Variants in SH3KBP1 observed in about 807,000 individuals in gnomAD.
SH3KBP1 encodes the protein SH3 domain-containing kinase-binding protein 1.
Under a neutral mutation model 50.1 loss-of-function variants are expected in SH3KBP1, and 8 were observed. That is an observed-to-expected ratio of 0.16 (90% CI 0.09 to 0.29). The LOEUF is 0.29. Ranked by LOEUF, SH3KBP1 falls within the 10% of genes least tolerant of loss-of-function variation. SH3KBP1 has a pLI of 1.00. For synonymous variants in SH3KBP1, 227 were observed against 218.6 expected (o/e 1.04, Z -0.34); for missense variants, 377 against 535.2 (o/e 0.70, Z 2.92).
In SH3KBP1 at chrX:19,534,841, G is replaced by A. The variant is rs2064668662; in HGVS notation, c.*1576C>T. The A allele has an allele frequency of 6.8e-6, 2 of 295,843 alleles. No individual in the cohort carries two copies. Among genetic ancestry groups the A allele is most frequent in the Middle Eastern group, 8.6e-4 (1 of 1,162 alleles). 24.4% of individuals were successfully genotyped at this position (295,843 alleles called of 1,213,427 possible). On this transcript the variant is annotated 3_prime_UTR_variant, in exon 18 of 18. Transcript: ENST00000397821. Reference sequence around the variant, plus strand: ...AGCACATAGGTTAAGAGGAAGGCAGGGGGAGGAAGGGAGGAAGAGAAAGGA... The same window carrying A: ...AGCACATAGGTTAAGAGGAAGGCAGAGGGAGGAAGGGAGGAAGAGAAAGGA...
At chrX:19,665,361 A>C (rs2062572192) in intron 6 of SH3KBP1, among the ~76,000 whole-genome samples, 1 of 112,080 alleles carries the variant, frequency 8.9e-6, no homozygotes, top group Admixed American at 9.5e-5. Flanking sequence ...TTTGATTCCT[A>C]AGAGTTCAAG....
intron 2 of SH3KBP1, among the ~76,000 whole-genome samples, chrX:19,795,726 G>T (rs1053489565): frequency 3.6e-5 from 4 of 111,587 alleles, no homozygotes; most frequent in African/African-American, 1.3e-4. Context: ...ACAAACTGAG[G>T]GGCTATCAGT....
intron 1 of SH3KBP1, among the ~76,000 whole-genome samples, chrX:19,881,483 A>G (rs1243856353): frequency 8.9e-6 from 1 of 112,204 alleles, no homozygotes; most frequent in Non-Finnish European, 1.9e-5. Context: ...TGAGGCGTCT[A>G]AGACACACCT....
At chrX:19,594,033 T>C (rs866697728) in intron 10 of SH3KBP1, among the ~76,000 whole-genome samples, 1 of 112,230 alleles carries the variant, frequency 8.9e-6, no homozygotes, top group Admixed American at 9.5e-5. Flanking sequence ...TTTTTCCTCT[T>C]AACTTGGTGG....
rs1367429125 is a variant in SH3KBP1, at chrX:19,534,011, C to T, written c.*2406G>A. ...AATTTCATTTTAATCATCTTCTTTA[C>T]AAAGCACAATACTTAAGACTTTTCT... On this transcript the variant is annotated 3_prime_UTR_variant, in exon 18 of 18. Transcript: ENST00000397821. 9.0e-6 allele frequency: 1 copy of T among 110,626 alleles called. No individual in the cohort carries two copies. Among genetic ancestry groups the T allele is most frequent in the Non-Finnish European group, 1.9e-5 (1 of 52,959 alleles). The allele number at this position is 110,626 out of a possible 1,213,427, so 9.1% of individuals were successfully genotyped here.
chrX:19,542,151 T>C lies in SH3KBP1; in HGVS notation c.1666A>G (p.Met556Val), dbSNP rs2064932134. Residue 556 changes from methionine (M) to valine (V), a missense_variant, in exon 16 of 18, where the codon ATG becomes GTG. Physicochemically the swap from Met to Val is conservative, Grantham distance 21. Transcript: ENST00000397821. ...KASLPPKPGT[M>V]AAGGGGPAPL... The stretch of plus-strand genomic sequence containing the variant: ...GCTGGCCCACCGCCACCTGCTGCCA[T>C]GGTCCCCGGCTTGGGCGGCAGGGAT... 1.7e-6 allele frequency: 2 copies of C among 1,197,315 alleles called. No homozygotes were observed. Among genetic ancestry groups the C allele is most frequent in the Admixed American group, 2.2e-5 (1 of 44,855 alleles).
At chrX:19,861,376 C>CA (rs2068773391) in intron 1 of SH3KBP1, among the ~76,000 whole-genome samples, 1 of 103,571 alleles carries the variant, frequency 9.7e-6, no homozygotes, top group African/African-American at 3.6e-5. Flanking sequence ...GACTCTGTCT[C>CA]AAAAAAATAA....
intron 1 of SH3KBP1, among the ~76,000 whole-genome samples, chrX:19,877,148 G>T (rs2069278865): frequency 8.9e-6 from 1 of 112,182 alleles, no homozygotes; most frequent in South Asian, 3.6e-4. Flanking sequence ...CTAATAGTTT[G>T]TTGAGAACAA....
chrX:19,866,946 C>T (rs1459581711), intron 1 of SH3KBP1, among the ~76,000 whole-genome samples: 2 of 110,432 alleles, frequency 1.8e-5, no homozygotes, highest in Non-Finnish European at 3.8e-5. Context: ...TGCTGGCTTT[C>T]TCGGTCGCCT....
intron 3 of SH3KBP1, among the ~76,000 whole-genome samples, chrX:19,726,169 G>A (rs187001344): frequency 9.0e-6 from 1 of 111,635 alleles, no homozygotes; most frequent in African/African-American, 3.3e-5. Flanking sequence ...AGTGGGAGGG[G>A]CAAATAGAAG....
chrX:19,872,833 T>TCTCTCTCACA (rs1211110008), intron 1 of SH3KBP1, among the ~76,000 whole-genome samples: 5 of 96,509 alleles, frequency 5.2e-5, no homozygotes, highest in Admixed American at 3.4e-4. Flanking sequence ...TCTCTCTCTC[T>TCTCTCTCACA]CACACACACA....
intron 6 of SH3KBP1, among the ~76,000 whole-genome samples, chrX:19,665,683 A>G (rs181243148): frequency 3.6e-5 from 4 of 112,156 alleles, no homozygotes; most frequent in East Asian, 2.8e-4. Context: ...ATGGCCTCCA[A>G]TGCCACAGAG....
At chrX:19,644,294 T>C (rs2061939323) in intron 7 of SH3KBP1, among the ~76,000 whole-genome samples, 1 of 111,843 alleles carries the variant, frequency 8.9e-6, no homozygotes, top group Admixed American at 9.4e-5. Context: ...ACCTAGTATT[T>C]GATAGCACAA....
chrX:19,840,783 G>A (rs917826764), intron 1 of SH3KBP1, among the ~76,000 whole-genome samples: 2 of 112,251 alleles, frequency 1.8e-5, no homozygotes, highest in African/African-American at 6.5e-5. Context: ...CATCAGAGGT[G>A]TAATTAGGAT....
chrX:19,639,175 C>T (rs1041378216), intron 7 of SH3KBP1, among the ~76,000 whole-genome samples: 5 of 111,210 alleles, frequency 4.5e-5, no homozygotes, highest in Non-Finnish European at 9.4e-5. Context: ...ACGATGTGTC[C>T]GTCAGTATGT....
chrX:19,652,241 C>G (rs1052340013), intron 6 of SH3KBP1, among the ~76,000 whole-genome samples: 1 of 111,420 alleles, frequency 9.0e-6, no homozygotes, highest in Non-Finnish European at 1.9e-5. Flanking sequence ...GTTGCCCTTG[C>G]CTTGCTTCCT....
intron 13 of SH3KBP1, among the ~76,000 whole-genome samples, chrX:19,554,144 T>TATTATATATCATATTAAAATATAA (rs2065377959): frequency 1.6e-5 from 1 of 60,719 alleles, no homozygotes; most frequent in Non-Finnish European, 2.7e-5. Context: ...TTAAAATATA[T>TATTATATATCATATTAAAATATAA]TATATATCAT....
At chrX:19,584,194 A>C (rs1224346997) in intron 12 of SH3KBP1, among the ~76,000 whole-genome samples, 3 of 94,274 alleles carry the variant, frequency 3.2e-5, no homozygotes, top group Non-Finnish European at 6.1e-5. Context: ...ATTTATATTT[A>C]TAAATATATG....
chrX:19,698,534 G>A (rs2063473715), intron 4 of SH3KBP1, among the ~76,000 whole-genome samples: 1 of 111,829 alleles, frequency 8.9e-6, no homozygotes, highest in African/African-American at 3.3e-5. Context: ...TAAGTGGAGG[G>A]GCAGACAATA....
Sources: gnomAD v4.1 joint callset for allele counts (sites outside exome capture counted in the v4.1 genomes callset) on GRCh38, gnomAD v4.1.1 for gene constraint, MANE v1.5 for transcripts, NCBI Gene and HGNC (gene_info 2026-07-23, HGNC 2026-07-21) for gene names.